Variants in ATXN2 observed in about 807,000 individuals in gnomAD.
ATXN2 encodes the protein ataxin 2.
A neutral mutation model predicts 138.6 loss-of-function variants in ATXN2; 37 were observed. The ratio of observed to expected loss-of-function variants is 0.27; its 90% CI spans 0.21 to 0.35. The LOEUF is 0.35. ATXN2 is among the 10% of genes least tolerant of loss of function. The probability of loss-of-function intolerance (pLI) is 1.00; values close to 1 mark genes in which losing one functional copy is unlikely to be tolerated. For missense variants in ATXN2, 1,216 were observed against 1,480.3 expected (o/e 0.82, Z 2.93); for synonymous variants, 549 against 543.7 (o/e 1.01, Z -0.13).
chr12:111,522,985 A>AC (rs1880267652), intron 6 of ATXN2, among the ~76,000 whole-genome samples: 2 of 151,950 alleles, frequency 1.3e-5, no homozygotes, highest in Admixed American at 1.3e-4. Flanking sequence ...TTTAAAAAAA[A>AC]AAAAAAATTT....
In ATXN2 at chr12:111,501,620, G is replaced by A. The variant is rs191197267; in HGVS notation, c.1935+7929C>T. 5.4e-3 allele frequency among the ~76,000 whole-genome samples: 815 copies of A among 152,276 alleles called. 2 individuals are homozygous for A. The highest frequency in any genetic ancestry group is 8.9e-3 in the Non-Finnish European group (606 of 68,026). ...TTACTGCATTACCAATATAGCTAAA[G>A]AGTCAAGTGGCTAAGGGCAAATGTT... On this transcript the variant is annotated intron_variant, in intron 14 of 24. Coordinates refer to ENST00000673436, the MANE Select transcript of ATXN2 (RefSeq NM_001372574.1).
At chr12:111,571,691 A>G (rs1379166437) in intron 1 of ATXN2, among the ~76,000 whole-genome samples, 1 of 152,156 alleles carries the variant, frequency 6.6e-6, no homozygotes, top group Non-Finnish European at 1.5e-5. Context: ...CTATTTTCAC[A>G]TGGCTTAAAG....
chr12:111,452,865 A>C (rs1874762152), intron 24 of ATXN2, 25 bp from the exon 25 acceptor site: 1 of 1,605,322 alleles, frequency 6.2e-7, no homozygotes, highest in Admixed American at 1.7e-5. Flanking sequence ...GCGAACATTG[A>C]AACAGAAAAC....
At position 111,518,404 on chromosome 12, in the gene ATXN2, C is replaced by T. The variant is rs761424488; in HGVS notation, c.1010G>A (p.Gly337Glu). ...NTRENKYIPP[G>E]QRNREVISWG... is the part of the protein sequence containing the mutation. ...GGATATGACTTCTCTATTTCTTTGTCCAGGAGGAATATATTTATTTTCCCT... is the reference window on the plus strand; with the variant it reads ...GGATATGACTTCTCTATTTCTTTGTTCAGGAGGAATATATTTATTTTCCCT... The change falls in exon 9 of 25, where the codon GGA becomes GAA. Residue 337 changes from glycine (G) to glutamate (E), a missense_variant. Physicochemically the swap from Gly to Glu is moderately conservative, Grantham distance 98 (BLOSUM62 -2). Around this residue, in one of 4 missense-constraint regions of ATXN2, gnomAD observed 401 missense variants for 528.1 expected, o/e 0.76. Transcript: ENST00000673436. The T allele has an allele frequency of 3.1e-6, 5 of 1,606,648 alleles. No homozygotes were observed. Among genetic ancestry groups the T allele is most frequent in the Non-Finnish European group, 4.3e-6 (5 of 1,175,618 alleles).
chr12:111,586,417 G>T (rs1172828793), intron 1 of ATXN2, among the ~76,000 whole-genome samples: 4 of 135,222 alleles, frequency 3.0e-5, no homozygotes, highest in Non-Finnish European at 6.3e-5. Flanking sequence ...TTTTTTAGAC[G>T]GAGTCTCCCT....
At chr12:111,554,021 T>C in intron 3 of ATXN2, 137 bp downstream of exon 3, 2 of 635,904 alleles carry the variant, frequency 3.1e-6, no homozygotes, top group Non-Finnish European at 2.6e-6. Context: ...GGAGTTCTAA[T>C]CTATTTCTCT....
In ATXN2 at chr12:111,517,779, A is replaced by G. The variant is rs144865529; in HGVS notation, c.1165+470T>C. 3.3e-3 allele frequency among the ~76,000 whole-genome samples: 502 copies of G among 152,270 alleles called. 1 individual carries two copies. The highest frequency in any genetic ancestry group is 4.4e-3 in the Non-Finnish European group (301 of 67,992). ...ATGACTCTTGATCATGTCTTGTATT[A>G]TAAGTTACCTCAGATCCTTTCTTGA... On this transcript the variant is annotated intron_variant, in intron 9 of 24. Transcript: ENST00000673436.
intron 14 of ATXN2, among the ~76,000 whole-genome samples, chr12:111,493,830 C>T (rs1405467221): frequency 1.5e-4 from 23 of 151,928 alleles, no homozygotes; most frequent in African/African-American, 5.3e-4. Context: ...AGTTTCACCA[C>T]GTTGGTCAGG....
At chr12:111,458,520 TAAA>T (rs950942198) in intron 21 of ATXN2, 3 of 152,158 alleles carry the variant, frequency 2.0e-5, no homozygotes, top group Non-Finnish European at 4.4e-5. Context: ...ACACCGATGA[TAAA>T]AAACTAACCT....
At chr12:111,581,355 C>A in intron 1 of ATXN2, 1 of 591,448 alleles carries the variant, frequency 1.7e-6, no homozygotes, top group Non-Finnish European at 3.2e-6. Flanking sequence ...GCAACCCGAC[C>A]ACAGCTGGTC....
At chr12:111,545,283 T>C (rs1881743295) in intron 5 of ATXN2, among the ~76,000 whole-genome samples, 2 of 148,750 alleles carry the variant, frequency 1.3e-5, no homozygotes, top group Non-Finnish European at 3.0e-5. Context: ...AACAGAGAAG[T>C]GGTATAAAAG....
At chr12:111,496,699 G>A (rs1878439211) in intron 14 of ATXN2, among the ~76,000 whole-genome samples, 1 of 151,898 alleles carries the variant, frequency 6.6e-6, no homozygotes, top group East Asian at 1.9e-4. Flanking sequence ...AAATGAAAAT[G>A]GAAACACAGC....
rs750371516 is a variant in ATXN2, at chr12:111,536,777, G to GTTTT, written c.572-11465_572-11462dup. ...AATTGAAAACCTATGTCCACACGCAGTTTTTTTTTTTTTTTTTTTTTTTTG... is the reference window on the plus strand; with the variant it reads ...AATTGAAAACCTATGTCCACACGCAGTTTTTTTTTTTTTTTTTTTTTTTTTTTTG... On this transcript the variant is annotated intron_variant, in intron 5 of 24. Coordinates refer to ENST00000673436, the MANE Select transcript of ATXN2 (RefSeq NM_001372574.1). Among the ~76,000 whole-genome samples the GTTTT allele has an allele frequency of 7.0e-4, 68 of 96,800 alleles. 1 individual carries two copies. The highest frequency in any genetic ancestry group is 2.0e-3 in the East Asian group (5 of 2,556). The allele number at this position is 96,800 out of a possible 152,430, so 63.5% of individuals were successfully genotyped here. A position where few individuals can be genotyped will look rare whatever the true frequency, so the allele number is the denominator to read the frequency against.
upstream of ATXN2, chr12:111,599,539 C>G: frequency 3.3e-6 from 4 of 1,196,968 alleles, no homozygotes; most frequent in East Asian, 3.5e-5. Context: ...GCCGAGGCGC[C>G]GGGTGGGAGC....
intron 14 of ATXN2, among the ~76,000 whole-genome samples, chr12:111,494,150 G>T (rs1024706375): frequency 4.6e-5 from 7 of 151,820 alleles, no homozygotes; most frequent in African/African-American, 1.5e-4. Context: ...GGCTGGTCTC[G>T]AACTCCTGAC....
At chr12:111,535,698 G>A (rs1566049287) in intron 5 of ATXN2, among the ~76,000 whole-genome samples, 1 of 150,428 alleles carries the variant, frequency 6.6e-6, no homozygotes, top group Non-Finnish European at 1.5e-5. Flanking sequence ...AGGTCAATAA[G>A]TAGATTAACA....
At chr12:111,565,299 G>A (rs1390541392) in intron 1 of ATXN2, among the ~76,000 whole-genome samples, 5 of 152,036 alleles carry the variant, frequency 3.3e-5, no homozygotes, top group Non-Finnish European at 7.4e-5. Flanking sequence ...ACCCCGAGTC[G>A]GGCAAGTCCA....
At chr12:111,479,197 G>A (rs758201006) in intron 18 of ATXN2, 3 of 343,128 alleles carry the variant, frequency 8.7e-6, no homozygotes, top group East Asian at 8.3e-5. Flanking sequence ...AATGCCCATC[G>A]ACTAGTAATG....
intron 1 of ATXN2, among the ~76,000 whole-genome samples, chr12:111,560,208 G>A (rs1024681431): frequency 2.0e-5 from 3 of 152,062 alleles, no homozygotes; most frequent in East Asian, 3.9e-4. Flanking sequence ...AATCACTCGA[G>A]ATTAAAAACA....
Sources: allele counts gnomAD v4.1 joint callset (sites outside exome capture counted in the v4.1 genomes callset), GRCh38; gene constraint gnomAD v4.1.1; regional missense constraint gnomAD v4.1.1; transcripts MANE v1.5; gene names NCBI Gene and HGNC (gene_info 2026-07-23, HGNC 2026-07-21).